The following RRBP1 variants were observed in gnomAD, a reference collection of about 807,000 sequenced individuals.
The protein encoded by RRBP1 is ribosome binding protein 1.
In RRBP1, 94 loss-of-function variants were observed where a neutral mutation model predicts 165.2. The observed-to-expected ratio is 0.57, with a 90% CI of 0.48 to 0.68. The LOEUF (loss-of-function observed/expected upper bound fraction) is 0.68, where lower values mean the gene tolerates loss of function less well. Ranked by LOEUF, RRBP1 falls within the 30% of genes least tolerant of loss-of-function variation. RRBP1 has a pLI of 0.00. For missense variants in RRBP1, 1,676 were observed against 1,763.0 expected (o/e 0.95, Z 0.88); for synonymous variants, 680 against 714.5 (o/e 0.95, Z 0.77).
At chr20:17,622,294 G>A (rs900410427) in intron 13 of RRBP1, among the ~76,000 whole-genome samples, 1 of 152,190 alleles carries the variant, frequency 6.6e-6, no homozygotes, top group Non-Finnish European at 1.5e-5. Context: ...GTGCATGTGT[G>A]GGGGAATTTG....
chr20:17,628,966 T>C (rs1232820866), intron 9 of RRBP1, among the ~76,000 whole-genome samples: 1 of 152,186 alleles, frequency 6.6e-6, no homozygotes, highest in Non-Finnish European at 1.5e-5. Context: ...GCCAGAAGCA[T>C]TCACCATCCA....
At chr20:17,655,019 AG>A (rs2036622987) in intron 3 of RRBP1, among the ~76,000 whole-genome samples, 1 of 152,212 alleles carries the variant, frequency 6.6e-6, no homozygotes, top group African/African-American at 2.4e-5. Context: ...TAATTTCTGA[AG>A]GGCATTATAT....
chr20:17,677,936 C>G (rs184413552), intron 2 of RRBP1, among the ~76,000 whole-genome samples: 1 of 152,312 alleles, frequency 6.6e-6, no homozygotes, highest in Admixed American at 6.5e-5. Context: ...TTATGCCACC[C>G]AAGAACACTG....
chr20:17,662,929 A>G (rs1312352536), intron 2 of RRBP1, among the ~76,000 whole-genome samples: 1 of 152,076 alleles, frequency 6.6e-6, no homozygotes, highest in African/African-American at 2.4e-5. Flanking sequence ...TGATCTTAGC[A>G]CCTTGGGAAG....
At chr20:17,618,846 C>G (rs1259284714) in intron 19 of RRBP1, 167 bp from the exon 20 acceptor site, 1 of 613,182 alleles carries the variant, frequency 1.6e-6, no homozygotes, top group Non-Finnish European at 2.9e-6. Context: ...CTTCCTACAG[C>G]TACGATTTCT....
chr20:17,639,670 G>A (rs1013237342), intron 5 of RRBP1, among the ~76,000 whole-genome samples: 6 of 152,164 alleles, frequency 3.9e-5, no homozygotes, highest in African/African-American at 1.4e-4. Context: ...GAGGTGGGCG[G>A]ATCACCTGAG....
chr20:17,681,013 G>A (rs1424647936), intron 1 of RRBP1, among the ~76,000 whole-genome samples: 1 of 152,014 alleles, frequency 6.6e-6, no homozygotes, highest in African/African-American at 2.4e-5. Context: ...TCGGAGAGGG[G>A]TCCCTGAAGC....
In RRBP1 at chr20:17,659,755, C is replaced by T. The variant is rs907833343; in HGVS notation, c.753G>A (p.Lys251=). ...TGCCTTGGTTTGGGGTTCCTTCTGC[C>T]TTTTTGCCTTGGTTTGGGGTTCCCT... ...KAEGTPNQGK[K]AEGTPNQGKK... is the part of the protein sequence containing the mutation. The change falls in exon 3 of 25, where the codon AAG becomes AAA. Residue 251 remains lysine (K), a synonymous_variant. Transcript: ENST00000377813. 1 of 1,550,364 alleles carries T rather than the reference C, an allele frequency of 6.5e-7. No homozygotes were observed. The highest frequency in any genetic ancestry group is 1.4e-5 in the African/African-American group (1 of 72,956).
rs1415641475 is a variant in RRBP1 at position 17,660,067 on chromosome 20, T to G, written c.441A>C (p.Ala147=). 1 of 1,614,032 alleles carries G rather than the reference T, an allele frequency of 6.2e-7. No homozygotes were observed. Among genetic ancestry groups the G allele is most frequent in the South Asian group, 1.1e-5 (1 of 91,020 alleles). Residue 147 remains alanine (A), a synonymous_variant, in exon 3 of 25, where the codon GCA becomes GCC. Coordinates refer to ENST00000377813, the MANE Select transcript of RRBP1 (RefSeq NM_001365613.2). ...CAGAGCTGACAGCTGGTTCCACTTT[T>G]GCCACTTTTTTCTCCTTCTTCTTTT... is the stretch of plus-strand genomic sequence containing the variant. ...KDKKKKEKKV[A]KVEPAVSSVV...
chr20:17,650,453 C>T (rs2036534872), intron 3 of RRBP1, among the ~76,000 whole-genome samples: 1 of 152,170 alleles, frequency 6.6e-6, no homozygotes, highest in Admixed American at 6.5e-5. Flanking sequence ...AGGCCCACAG[C>T]CAAGACAGAA....
intron 3 of RRBP1, among the ~76,000 whole-genome samples, chr20:17,650,238 T>C (rs1208745773): frequency 3.9e-5 from 6 of 152,032 alleles, no homozygotes; most frequent in African/African-American, 1.4e-4. Context: ...CCCATAATCC[T>C]ACCTCCCAAA....
At position 17,619,721 on chromosome 20, in the gene RRBP1, T is replaced by A; in HGVS notation, c.3587A>T (p.Glu1196Val). Residue 1196 changes from glutamate to valine, a missense_variant, in exon 19 of 25, where the codon GAG (glutamate) becomes GTG (valine). Physicochemically the swap from Glu to Val is moderately radical, Grantham distance 121. Around this residue, in one of 5 missense-constraint regions of RRBP1, gnomAD observed 1,184 missense variants for 1,167.1 expected, o/e 1.01. Coordinates refer to ENST00000377813, the MANE Select transcript of RRBP1 (RefSeq NM_001365613.2). ...CTCTGCCTCCAAATGCGACGTGTGC[T>A]CCCTCACCTGGACAGATGCACAGAC... ...GELESSDQVR[E>V]HTSHLEAELE... 1 of 1,611,042 alleles carries A rather than the reference T, an allele frequency of 6.2e-7. No individual in the cohort carries two copies. The highest frequency in any genetic ancestry group is 8.5e-7 in the Non-Finnish European group (1 of 1,178,632).
At chr20:17,642,056 C>T (rs2036373159) in intron 4 of RRBP1, 137 bp from the exon 5 acceptor site, 2 of 989,578 alleles carry the variant, frequency 2.0e-6, no homozygotes, top group African/African-American at 1.6e-5. Flanking sequence ...ACTGGGACTC[C>T]AGATACTTGT....
chr20:17,616,695 T>C, intron 21 of RRBP1, 37 bp downstream of exon 21: 4 of 1,399,800 alleles, frequency 2.9e-6, no homozygotes, highest in Non-Finnish European at 4.0e-6. Flanking sequence ...TCTTCTGGGA[T>C]TAGTGATGTG....
At chr20:17,665,148 T>C (rs981624151) in intron 2 of RRBP1, among the ~76,000 whole-genome samples, 5 of 152,096 alleles carry the variant, frequency 3.3e-5, no homozygotes, top group African/African-American at 7.2e-5. Flanking sequence ...TATGTATATA[T>C]ATGTCATCTC....
In RRBP1 at chr20:17,662,124, G is replaced by T. The variant is rs113832986; in HGVS notation, c.-21-1596C>A. Among the ~76,000 whole-genome samples, 456 of 152,196 alleles carry T rather than the reference G, an allele frequency of 3.0e-3. 2 individuals carry two copies. Among genetic ancestry groups the T allele is most frequent in the African/African-American group, 0.011 (440 of 41,540 alleles). On this transcript the variant is annotated intron_variant, in intron 2 of 24. Coordinates refer to ENST00000377813, the MANE Select transcript of RRBP1 (RefSeq NM_001365613.2). The stretch of plus-strand genomic sequence containing the variant: ...AAAAATACAAAAAACTTAGCCAGGC[G>T]TGGCGGCGGGTGCCTGTAGTCCAGG...
chr20:17,624,404 G>A (rs879043679), intron 13 of RRBP1, among the ~76,000 whole-genome samples, 172 bp downstream of exon 13: 2 of 152,268 alleles, frequency 1.3e-5, no homozygotes, highest in South Asian at 2.1e-4. Flanking sequence ...GCGTACTAGT[G>A]CATCTGTGTG....
chr20:17,621,208 C>G (rs2035906699), intron 16 of RRBP1, among the ~76,000 whole-genome samples: 1 of 152,202 alleles, frequency 6.6e-6, no homozygotes. Context: ...CAGCTGCTTA[C>G]CCCGTCCTTC....
intron 2 of RRBP1, among the ~76,000 whole-genome samples, chr20:17,662,289 A>G (rs1412253287): frequency 6.6e-6 from 1 of 152,124 alleles, no homozygotes; most frequent in East Asian, 1.9e-4. Flanking sequence ...AAAAAAAAAA[A>G]ATCACTCTCA....
Sources: allele counts gnomAD v4.1 joint callset (sites outside exome capture counted in the v4.1 genomes callset), GRCh38; gene constraint gnomAD v4.1.1; regional missense constraint gnomAD v4.1.1; transcripts MANE v1.5; gene names NCBI Gene and HGNC (gene_info 2026-07-23, HGNC 2026-07-21).